The following ENTHD1 variants were observed in gnomAD, a reference collection of about 807,000 sequenced individuals.
ENTHD1 encodes the protein ENTH domain containing 1, also known as ENTH domain-containing protein 1.
A neutral mutation model predicts 39.1 loss-of-function variants in ENTHD1; 23 were observed. The observed-to-expected ratio is 0.59, with a 90% confidence interval of 0.42 to 0.83. ENTHD1 has a LOEUF of 0.83. Ranked by LOEUF, ENTHD1 falls within the 40% of genes least tolerant of loss-of-function variation. The pLI is 0.00. For synonymous variants in ENTHD1, 230 were observed against 258.2 expected, an observed-to-expected ratio of 0.89 and a Z score of 1.05; for missense variants, 624 against 705.4, an observed-to-expected ratio of 0.88 and a Z score of 1.31.
At chr22:39,863,277 C>A (rs1273598322) in intron 2 of ENTHD1, among the ~76,000 whole-genome samples, 8 of 152,172 alleles carry the variant, frequency 5.3e-5, no homozygotes, top group African/African-American at 1.9e-4. Flanking sequence ...TGTTACCTTA[C>A]AGGGGTACAG....
At chr22:39,843,577 A>T (rs1601634488) in intron 3 of ENTHD1, among the ~76,000 whole-genome samples, 1 of 151,740 alleles carries the variant, frequency 6.6e-6, no homozygotes. Context: ...AACCTGCACA[A>T]TGTGCACATG....
intron 3 of ENTHD1, among the ~76,000 whole-genome samples, chr22:39,859,435 C>G (rs568719243): frequency 1.3e-5 from 2 of 152,328 alleles, no homozygotes; most frequent in Non-Finnish European, 2.9e-5. Context: ...GCCTTTCTCA[C>G]TAAGTTTAAC....
At chr22:39,784,077 G>A (rs1207365057) in intron 5 of ENTHD1, among the ~76,000 whole-genome samples, 1 of 151,862 alleles carries the variant, frequency 6.6e-6, no homozygotes, top group Non-Finnish European at 1.5e-5. Context: ...ATTAAAAATG[G>A]GCAAAAGATC....
chr22:39,811,637 A>G (rs1399648585), intron 5 of ENTHD1, among the ~76,000 whole-genome samples: 1 of 152,230 alleles, frequency 6.6e-6, no homozygotes, highest in East Asian at 1.9e-4. Flanking sequence ...CCTGATCCAT[A>G]GAGATGAAAC....
At chr22:39,840,071 G>T (rs2065932861) in intron 3 of ENTHD1, among the ~76,000 whole-genome samples, 1 of 152,124 alleles carries the variant, frequency 6.6e-6, no homozygotes. Flanking sequence ...ATTTATTTCT[G>T]GATTTTCACA....
At chr22:39,802,557 G>T (rs141490906) in intron 5 of ENTHD1, among the ~76,000 whole-genome samples, 1 of 152,146 alleles carries the variant, frequency 6.6e-6, no homozygotes, top group African/African-American at 2.4e-5. Flanking sequence ...TGGCTCCTAC[G>T]CAGAAAGGCA....
intron 3 of ENTHD1, among the ~76,000 whole-genome samples, chr22:39,844,209 T>C (rs2065969332): frequency 6.6e-6 from 1 of 152,070 alleles, no homozygotes; most frequent in Non-Finnish European, 1.5e-5. Context: ...AAGAGAAGAA[T>C]AAGAAAGCAG....
At chr22:39,776,145 A>G (rs1480939123) in intron 5 of ENTHD1, among the ~76,000 whole-genome samples, 1 of 152,114 alleles carries the variant, frequency 6.6e-6, no homozygotes, top group Non-Finnish European at 1.5e-5. Flanking sequence ...TACCTGCCTC[A>G]GCCTTCAAAA....
At chr22:39,831,361 TG>T (rs2065867631) in intron 4 of ENTHD1, among the ~76,000 whole-genome samples, 1 of 152,064 alleles carries the variant, frequency 6.6e-6, no homozygotes, top group Non-Finnish European at 1.5e-5. Flanking sequence ...TAGTTCTGGG[TG>T]TCAGGAGGAG....
At chr22:39,850,842 T>C (rs1413444344) in intron 3 of ENTHD1, among the ~76,000 whole-genome samples, 2 of 152,178 alleles carry the variant, frequency 1.3e-5, no homozygotes, top group African/African-American at 2.4e-5. Context: ...GGCTACCCAC[T>C]ATTCTAGTTG....
At chr22:39,771,776 A>G (rs2065327978) in intron 5 of ENTHD1, among the ~76,000 whole-genome samples, 1 of 152,188 alleles carries the variant, frequency 6.6e-6, no homozygotes, top group African/African-American at 2.4e-5. Flanking sequence ...AAATCAAAAC[A>G]TTGTAAGATA....
intron 4 of ENTHD1, among the ~76,000 whole-genome samples, chr22:39,822,658 T>G (rs542689210): frequency 6.6e-6 from 1 of 152,224 alleles, no homozygotes; most frequent in Non-Finnish European, 1.5e-5. Flanking sequence ...TCATCTATTA[T>G]GAATAAAGCT....
intron 4 of ENTHD1, 54 bp from the exon 5 acceptor site, chr22:39,821,167 A>G: frequency 6.3e-7 from 1 of 1,596,384 alleles, no homozygotes; most frequent in Non-Finnish European, 8.5e-7. Flanking sequence ...ATATCCCTGG[A>G]TGGACAATTT....
At chr22:39,797,854 G>A (rs1444212603) in intron 5 of ENTHD1, among the ~76,000 whole-genome samples, 2 of 152,010 alleles carry the variant, frequency 1.3e-5, no homozygotes, top group Admixed American at 1.3e-4. Context: ...CTTTGCTCTT[G>A]TTTTTAGAAT....
intron 3 of ENTHD1, among the ~76,000 whole-genome samples, chr22:39,857,319 G>A (rs2066099742): frequency 6.6e-6 from 1 of 151,786 alleles, no homozygotes; most frequent in African/African-American, 2.4e-5. Context: ...GCGTATGCCT[G>A]TAATCCCAGC....
At chr22:39,782,497 A>C (rs1169681851) in intron 5 of ENTHD1, among the ~76,000 whole-genome samples, 2 of 152,188 alleles carry the variant, frequency 1.3e-5, no homozygotes, top group Non-Finnish European at 2.9e-5. Flanking sequence ...AAACCAGACA[A>C]GGACACAACA....
chr22:39,773,519 C>A (rs2065343939), intron 5 of ENTHD1, among the ~76,000 whole-genome samples: 1 of 152,138 alleles, frequency 6.6e-6, no homozygotes, highest in Non-Finnish European at 1.5e-5. Flanking sequence ...AGAAAACATA[C>A]TTCAAATACC....
chr22:39,838,678 T>C (rs1468277146), intron 3 of ENTHD1, among the ~76,000 whole-genome samples: 1 of 152,144 alleles, frequency 6.6e-6, no homozygotes, highest in African/African-American at 2.4e-5. Flanking sequence ...TACAAATTTA[T>C]AATGCATTTA....
At position 39,821,127 on chromosome 22, in the gene ENTHD1, C is replaced by A; in HGVS notation, c.712-14G>T. ...TGTCATCAGGTCCTGACAGAAAACA[C>A]AAGAACATGAGAATTGAAGAAAAAA... is the stretch of plus-strand genomic sequence containing the variant. On this transcript the variant is annotated splice_polypyrimidine_tract_variant and intron_variant, in intron 4 of 6. Transcript: ENST00000325157. 1 of 1,613,182 alleles carries A rather than the reference C, an allele frequency of 6.2e-7. No homozygotes were observed. The highest frequency in any genetic ancestry group is 8.5e-7 in the Non-Finnish European group (1 of 1,179,604).
Sources: gnomAD v4.1 joint callset for allele counts (sites outside exome capture counted in the v4.1 genomes callset) on GRCh38, gnomAD v4.1.1 for gene constraint, MANE v1.5 for transcripts, NCBI Gene and HGNC (gene_info 2026-07-23, HGNC 2026-07-21) for gene names.